MYPN: variants seen among roughly 807,000 people sequenced by gnomAD.
MYPN encodes the protein myopalladin.
Under a neutral mutation model 129.4 loss-of-function variants are expected in MYPN, and 63 were observed. The ratio of observed to expected loss-of-function variants is 0.49; its 90% confidence interval spans 0.40 to 0.60. MYPN has a LOEUF of 0.60. Ranked by LOEUF, MYPN falls within the 20% of genes least tolerant of loss-of-function variation. The pLI is 0.00. For synonymous variants in MYPN, 629 were observed against 600.9 expected (o/e 1.05, Z -0.68); for missense variants, 1,596 against 1,635.4 (o/e 0.98, Z 0.42).
chr10:68,140,506 GTT>G (rs1160944611), intron 2 of MYPN, among the ~76,000 whole-genome samples: 1 of 146,474 alleles, frequency 6.8e-6, no homozygotes, highest in African/African-American at 2.5e-5. Flanking sequence ...CATAGTATAG[GTT>G]TTTTTTTTTT....
In MYPN at chr10:68,122,181, G is replaced by A; in HGVS notation, c.743G>A (p.Gly248Glu). 6.2e-7 allele frequency: 1 copy of A among 1,610,648 alleles called. No homozygotes were observed. Residue 248 changes from glycine to glutamate, a missense_variant, in exon 2 of 20, where the codon GGA (glycine) becomes GAA (glutamate). Physicochemically the swap from Gly to Glu is moderately conservative, Grantham distance 98 (BLOSUM62 -2). Transcript: ENST00000358913. ...CAGGCTGCCAGTGAGGCGGCTGGTG[G>A]AGACACTACACCAGGGTCTTCCCCT... ...AEQAASEAAG[G>E]DTTPGSSPSS...
intron 6 of MYPN, chr10:68,158,194 G>A (rs569378929): frequency 4.6e-5 from 15 of 325,572 alleles, no homozygotes; most frequent in Admixed American, 2.2e-4. Context: ...TTCCATGTGC[G>A]TCCCTCCTGA....
chr10:68,102,195 C>A (rs1480474331), upstream of MYPN, among the ~76,000 whole-genome samples: 17 of 138,660 alleles, frequency 1.2e-4, no homozygotes, highest in African/African-American at 4.4e-4. Context: ...GTGGCACAAT[C>A]AAAGCTCATT....
At chr10:68,186,759 C>T (rs562367413) in intron 12 of MYPN, among the ~76,000 whole-genome samples, 1 of 152,266 alleles carries the variant, frequency 6.6e-6, no homozygotes, top group East Asian at 1.9e-4. Context: ...GATCCCTGCT[C>T]TAGCGGAGCT....
At chr10:68,162,624 C>T (rs952955619) in intron 8 of MYPN, among the ~76,000 whole-genome samples, 21 of 152,156 alleles carry the variant, frequency 1.4e-4, no homozygotes, top group African/African-American at 5.1e-4. Context: ...TATTTGCAAC[C>T]CTGTGACAGA....
At chr10:68,203,720 C>CAGAGAGAGAGAGAGAGAGAGAGAG (rs371058853) in intron 18 of MYPN, among the ~76,000 whole-genome samples, 45 of 115,748 alleles carry the variant, frequency 3.9e-4, no homozygotes, top group Admixed American at 1.2e-3. Context: ...CATACACACA[C>CAGAGAGAGAGAGAGAGAGAGAGAG]AGAGAGAGAG....
intron 12 of MYPN, among the ~76,000 whole-genome samples, chr10:68,178,265 G>C (rs1467775004): frequency 6.6e-6 from 1 of 152,120 alleles, no homozygotes; most frequent in Non-Finnish European, 1.5e-5. Flanking sequence ...CTTTGAGTTG[G>C]GGATGAGCCA....
At position 68,211,366 on chromosome 10, in the gene MYPN, G is replaced by A. The variant is rs752968210; in HGVS notation, c.*911G>A. 1 of 441,212 alleles carries A rather than the reference G, an allele frequency of 2.3e-6. No individual in the cohort carries two copies. Among genetic ancestry groups the A allele is most frequent in the South Asian group, 1.6e-5 (1 of 63,800 alleles). 27.3% of individuals were successfully genotyped at this position (441,212 alleles called of 1,614,324 possible). On this transcript the variant is annotated 3_prime_UTR_variant, in exon 20 of 20. Coordinates refer to ENST00000358913, the MANE Select transcript of MYPN (RefSeq NM_032578.4). ...TACCCCTTTCCCCAAAAGTCTGAAA[G>A]TGTAGGAGGAAGGAAGAGATACAAA...
intron 19 of MYPN, among the ~76,000 whole-genome samples, chr10:68,207,827 T>C (rs918504637): frequency 6.6e-6 from 1 of 152,186 alleles, no homozygotes; most frequent in African/African-American, 2.4e-5. Context: ...AACAACATTG[T>C]ACAGGCTGTC....
rs780895981 is a variant in MYPN at position 68,109,589 on chromosome 10, ACT to A, written c.-131_-130del. The A allele has an allele frequency of 2.0e-5, 9 of 453,654 alleles. No homozygotes were observed. The highest frequency in any genetic ancestry group is 3.5e-5 in the Non-Finnish European group (8 of 226,742). 28.1% of individuals were successfully genotyped at this position (453,654 alleles called of 1,614,324 possible). A position where few individuals can be genotyped will look rare whatever the true frequency, so the allele number is the denominator to read the frequency against. ...AACTCCTCACTCTCTATGGACGGCT[ACT>A]CTCTATTTCCAAGGGCGTGAAGAAT... On this transcript the variant is annotated 5_prime_UTR_variant, in exon 1 of 20. It removes the in-frame stop codon of an upstream open reading frame in the 5' UTR. Coordinates refer to ENST00000358913, the MANE Select transcript of MYPN (RefSeq NM_032578.4).
chr10:68,132,226 C>G (rs1204440310), intron 2 of MYPN, among the ~76,000 whole-genome samples: 1 of 152,080 alleles, frequency 6.6e-6, no homozygotes, highest in South Asian at 2.1e-4. Context: ...TTTTCAAGCA[C>G]TTTTTCTGCA....
Position 68,134,175 on chromosome 10 carries a change from A to G in MYPN, c.903-8765A>G, listed in dbSNP as rs940051868. On this transcript the variant is annotated intron_variant, in intron 2 of 19. Transcript: ENST00000358913. ...TCGTTTGTTCATTCATTCAATAACA[A>G]TTCATTCAGCACTCCCTACTAGTCT... Among the ~76,000 whole-genome samples the G allele has an allele frequency of 3.3e-5, 5 of 152,314 alleles. No homozygotes were observed. In the East Asian group the frequency reaches 5.8e-4, roughly 18 times the overall value.
In MYPN at chr10:68,165,712, C is replaced by T. The variant is rs1231861938; in HGVS notation, c.1494C>T (p.Cys498=). Residue 498 remains cysteine (C), a synonymous_variant, in exon 9 of 20, where the codon TGC becomes TGT. Transcript: ENST00000358913. ...PRSMAEPEEI[C]TLVIAEVFAE... ...TTCACTGGCATATAGAGGAGATTTG[C>T]ACCTTGGTCATTGCTGAGGTGTTTG... 6.2e-7 allele frequency: 1 copy of T among 1,613,732 alleles called. No individual in the cohort carries two copies. The highest frequency in any genetic ancestry group is 1.7e-5 in the Admixed American group (1 of 60,004).
rs1351066378 is a variant in MYPN, at chr10:68,210,976, C to T, written c.*521C>T. The stretch of plus-strand genomic sequence containing the variant: ...TTCCACTTAGCATTAGGAGGTCATG[C>T]CATACAACTCACGTATGCGGGCAAA... On this transcript the variant is annotated 3_prime_UTR_variant, in exon 20 of 20. Coordinates refer to ENST00000358913, the MANE Select transcript of MYPN (RefSeq NM_032578.4). The T allele has an allele frequency of 6.6e-6, 3 of 454,208 alleles. No individual in the cohort carries two copies. Among genetic ancestry groups the T allele is most frequent in the Admixed American group, 4.7e-5 (2 of 42,568 alleles). The allele number at this position is 454,208 out of a possible 1,614,324, so 28.1% of individuals were successfully genotyped here.
At chr10:68,155,564 A>G (rs1020091140) in intron 6 of MYPN, among the ~76,000 whole-genome samples, 4 of 152,190 alleles carry the variant, frequency 2.6e-5, no homozygotes, top group African/African-American at 9.6e-5. Context: ...TTGTCAGTGA[A>G]GCTGAAATGA....
At chr10:68,111,008 T>C (rs183507199) in intron 1 of MYPN, among the ~76,000 whole-genome samples, 1 of 152,338 alleles carries the variant, frequency 6.6e-6, no homozygotes, top group Admixed American at 6.5e-5. Context: ...CTAATGCTAC[T>C]GGAACTCATA....
At chr10:68,204,629 A>C (rs1451808798) in intron 18 of MYPN, among the ~76,000 whole-genome samples, 1 of 150,756 alleles carries the variant, frequency 6.6e-6, no homozygotes, top group Admixed American at 6.7e-5. Flanking sequence ...GAGGCAGGAG[A>C]ATCACTTGAA....
intron 10 of MYPN, among the ~76,000 whole-genome samples, chr10:68,169,199 A>G (rs994435056): frequency 1.4e-5 from 2 of 143,212 alleles, no homozygotes; most frequent in African/African-American, 5.2e-5. Context: ...AAAAAAAAAA[A>G]AAAAAAAAAT....
Position 68,206,807 on chromosome 10 carries a change from A to G in MYPN, c.3697A>G (p.Ile1233Val). 1.9e-6 allele frequency: 3 copies of G among 1,614,170 alleles called. No individual in the cohort carries two copies. Among genetic ancestry groups the G allele is most frequent in the Non-Finnish European group, 2.5e-6 (3 of 1,180,034 alleles). Residue 1233 changes from isoleucine (I) to valine (V), a missense_variant, in exon 19 of 20, where the codon ATT becomes GTT. Transcript: ENST00000358913. Reference sequence around the variant, plus strand: ...CACAACAGGGTATGCCTGCCTTCTCATTCAGCCAGCCAAGAAATCAGACGC... The same window carrying G: ...CACAACAGGGTATGCCTGCCTTCTCGTTCAGCCAGCCAAGAAATCAGACGC... ...QDTTGYACLLIQPAKKSDAGW... is the reference protein window; with the variant it reads ...QDTTGYACLLVQPAKKSDAGW...
Sources: gnomAD v4.1 joint callset for allele counts (sites outside exome capture counted in the v4.1 genomes callset) on GRCh38, gnomAD v4.1.1 for gene constraint, MANE v1.5 for transcripts, NCBI Gene and HGNC (gene_info 2026-07-23, HGNC 2026-07-21) for gene names.